Variants in TOMT observed in about 807,000 individuals in gnomAD.
TOMT encodes the protein transmembrane O-methyltransferase.
TOMT carries 23 observed loss-of-function variants against 21.7 expected under a neutral mutation model. The observed-to-expected ratio is 1.06, with a 90% CI of 0.76 to 1.50. TOMT has a LOEUF of 1.50. Ranked by LOEUF, TOMT falls within the 40% of genes most tolerant of loss-of-function variation. TOMT has a pLI of 0.00. For missense variants in TOMT, 331 were observed against 348.7 expected (o/e 0.95, Z 0.41); for synonymous variants, 132 against 150.8 (o/e 0.88, Z 0.91).
At chr11:72,109,581 C>T (rs1407129534), downstream of TOMT, 4 of 519,004 alleles carry the variant, frequency 7.7e-6, no homozygotes, top group Admixed American at 6.4e-5. Context: ...AGGGAATAGA[C>T]ATGGGTGGAA....
exon 3 of TOMT, chr11:72,108,668 A>T: frequency 2.0e-6 from 3 of 1,531,630 alleles, no homozygotes; most frequent in Non-Finnish European, 2.6e-6. Flanking sequence ...GTATCAGCTG[A>T]GTCGGGCAGA....
intron 1 of TOMT, chr11:72,107,552 T>C (rs1369071710): frequency 1.4e-6 from 1 of 702,184 alleles, no homozygotes; most frequent in South Asian, 1.5e-5. Flanking sequence ...CTGGGCACAG[T>C]TGTTTGGGAT....
At position 72,108,106 on chromosome 11, in the gene TOMT, T is replaced by C. The variant is rs1258227260; in HGVS notation, c.443T>C (p.Phe148Ser). ...GAAAAACTCATCCGCCTGGCCGGCT[T>C]TGATGAGCACATGGTCAGCCTCCCA... Residue 148 changes from phenylalanine to serine, a missense_variant, in exon 2 of 3, where the codon TTT becomes TCT. By Grantham distance (155) the Phe-to-Ser change is radical. Transcript: ENST00000541899. 2.6e-6 allele frequency: 4 copies of C among 1,521,844 alleles called. No homozygotes were observed. Among genetic ancestry groups the C allele is most frequent in the Non-Finnish European group, 3.5e-6 (4 of 1,129,414 alleles). 94.3% of individuals were successfully genotyped at this position (1,521,844 alleles called of 1,614,324 possible).
At chr11:72,106,332 T>G (rs1945691662) in intron 1 of TOMT, 122 bp downstream of exon 1, 2 of 1,069,476 alleles carry the variant, frequency 1.9e-6, no homozygotes, top group Non-Finnish European at 2.5e-6. Flanking sequence ...TAGGGCCTCT[T>G]TTTTTTCTCA....
rs886048638 is a variant in TOMT, at chr11:72,109,261, C to T, written c.*336C>T. On this transcript the variant is annotated 3_prime_UTR_variant, in exon 3 of 3. Transcript: ENST00000541899. ...TGAGATTTAATCTTCTCTCTTAACA[C>T]GAAGGAAGCTGGATGGGAGAGCTCC... is the stretch of plus-strand genomic sequence containing the variant. 3.3e-5 allele frequency: 15 copies of T among 456,136 alleles called. No homozygotes were observed. Among genetic ancestry groups the T allele is most frequent in the South Asian group, 2.3e-4 (14 of 60,520 alleles). 28.3% of individuals were successfully genotyped at this position (456,136 alleles called of 1,614,324 possible). A position where few individuals can be genotyped will look rare whatever the true frequency, so the allele number is the denominator to read the frequency against.
chr11:72,107,227 A>G (rs1945773927), intron 1 of TOMT: 5 of 577,896 alleles, frequency 8.7e-6, no homozygotes, highest in Non-Finnish European at 1.5e-5. Context: ...TGATCATGCT[A>G]CTGCACTCCA....
chr11:72,109,452 C>T (rs1346824019), downstream of TOMT: 3 of 407,414 alleles, frequency 7.4e-6, no homozygotes, highest in African/African-American at 4.2e-5. Context: ...GCCAGGGATG[C>T]CCTGGCCTTC....
intron 1 of TOMT, chr11:72,106,633 T>G (rs1219797963): frequency 6.4e-6 from 1 of 156,316 alleles, no homozygotes; most frequent in Non-Finnish European, 1.4e-5. Flanking sequence ...CCAGCATAAG[T>G]GCTTTTAGGG....
At chr11:72,106,292 G>A (rs1945688237) in intron 1 of TOMT, 82 bp downstream of exon 1, 27 of 1,356,324 alleles carry the variant, frequency 2.0e-5, no homozygotes, top group African/African-American at 2.9e-5. Flanking sequence ...TGCTTAACTG[G>A]ATGAATTGGG....
chr11:72,108,812 C>A, exon 3 of TOMT: 2 of 1,550,676 alleles, frequency 1.3e-6, no homozygotes, highest in East Asian at 4.9e-5. Context: ...CCGCTTCTTG[C>A]AGTATGCTAA....
chr11:72,107,706 A>G lies in TOMT; in HGVS notation c.260-217A>G, dbSNP rs182603084. 109 of 619,978 alleles carry G rather than the reference A, an allele frequency of 1.8e-4. No homozygotes were observed. In the Admixed American group the frequency reaches 2.9e-3, roughly 17 times the overall value. The allele number at this position is 619,978 out of a possible 1,614,324, so 38.4% of individuals were successfully genotyped here. A position where few individuals can be genotyped will look rare whatever the true frequency, so the allele number is the denominator to read the frequency against. On this transcript the variant is annotated intron_variant, in intron 1 of 2. Coordinates refer to ENST00000541899, the Ensembl canonical transcript of TOMT. Reference sequence around the variant, plus strand: ...TTCAGCTCACAGGAGCCAAGGAGTAATAAGGTCAGATTTGTTGGAAAGATT... The same window carrying G: ...TTCAGCTCACAGGAGCCAAGGAGTAGTAAGGTCAGATTTGTTGGAAAGATT...
chr11:72,107,780 C>A (rs1237496795), intron 1 of TOMT, 143 bp from the exon 2 acceptor site: 11 of 819,720 alleles, frequency 1.3e-5, no homozygotes, highest in Non-Finnish European at 2.1e-5. Context: ...ACCAGGAGGG[C>A]AGCTGGGGCT....
exon 1 of TOMT, chr11:72,105,979 C>G: frequency 3.2e-6 from 5 of 1,550,350 alleles, no homozygotes; most frequent in Non-Finnish European, 4.4e-6. Flanking sequence ...ATTGGCCTTC[C>G]TGCCACTGGT....
exon 3 of TOMT, chr11:72,109,127 G>A (rs1372575768): frequency 1.7e-5 from 10 of 581,744 alleles, no homozygotes; most frequent in Non-Finnish European, 2.8e-5. Flanking sequence ...GTCTCACTAG[G>A]CCCCCTCTTT....
chr11:72,107,410 T>C (rs1945790289), intron 1 of TOMT: 9 of 699,772 alleles, frequency 1.3e-5, no homozygotes, highest in Admixed American at 4.0e-5. Context: ...TGGGACTTCA[T>C]GGAGAAAGAG....
chr11:72,107,532 T>C (rs1171499060), intron 1 of TOMT: 8 of 702,806 alleles, frequency 1.1e-5, no homozygotes, highest in Admixed American at 2.0e-5. Context: ...ATGAGACAGC[T>C]TGATGGATTC....
At chr11:72,106,479 A>C (rs971336687) in intron 1 of TOMT, 9 of 365,324 alleles carry the variant, frequency 2.5e-5, no homozygotes, top group African/African-American at 1.8e-4. Context: ...TGCTGGCCTC[A>C]AAGGAACCAT....
At chr11:72,107,127 TG>T (rs1945765485) in intron 1 of TOMT, 1 of 345,144 alleles carries the variant, frequency 2.9e-6, no homozygotes, top group Admixed American at 5.1e-5. Context: ...ATTAGCCGGG[TG>T]TGGTGGTGAG....
At chr11:72,108,944 C>G (rs1342601420) in exon 3 of TOMT, 1 of 1,491,964 alleles carries the variant, frequency 6.7e-7, no homozygotes, top group South Asian at 1.3e-5. Flanking sequence ...CCCAGGGGTA[C>G]TTACTGATGC....
Sources: allele counts gnomAD v4.1 joint callset, GRCh38; gene constraint gnomAD v4.1.1; transcripts MANE v1.5; gene names NCBI Gene and HGNC (gene_info 2026-07-23, HGNC 2026-07-21).